The following LRP1B variants were observed in gnomAD, a reference collection of about 807,000 sequenced individuals.
LRP1B encodes the protein LDL receptor related protein 1B.
Under a neutral mutation model 556.6 loss-of-function variants are expected in LRP1B, and 217 were observed. The ratio of observed to expected loss-of-function variants is 0.39; its 90% CI spans 0.35 to 0.44. LRP1B has a LOEUF of 0.44. Ranked by LOEUF, LRP1B falls within the 20% of genes least tolerant of loss-of-function variation. LRP1B has a pLI of 1.00. For missense variants in LRP1B, 5,053 were observed against 5,620.8 expected, an observed-to-expected ratio of 0.90 and a Z score of 3.23; for synonymous variants, 2,047 against 1,865.8, an observed-to-expected ratio of 1.10 and a Z score of -2.50.
intron 31 of LRP1B, among the ~76,000 whole-genome samples, chr2:140,837,726 T>C (rs1317443861): frequency 6.8e-6 from 1 of 146,256 alleles, no homozygotes; most frequent in Non-Finnish European, 1.5e-5. Flanking sequence ...CACTCATAGG[T>C]GGGAATTGAA....
intron 60 of LRP1B, among the ~76,000 whole-genome samples, chr2:140,460,345 CA>C (rs1177884791): frequency 1.3e-5 from 2 of 151,938 alleles, no homozygotes; most frequent in African/African-American, 4.8e-5. Context: ...TTCATAGCAA[CA>C]AAAACCAGAC....
chr2:140,611,197 T>C (rs1189791284), intron 41 of LRP1B, among the ~76,000 whole-genome samples: 1 of 152,196 alleles, frequency 6.6e-6, no homozygotes, highest in Non-Finnish European at 1.5e-5. Flanking sequence ...TCTAGATTTA[T>C]AAATATAATT....
intron 18 of LRP1B, among the ~76,000 whole-genome samples, chr2:140,970,159 CCA>C (rs1696368431): frequency 6.6e-6 from 1 of 152,174 alleles, no homozygotes; most frequent in African/African-American, 2.4e-5. Flanking sequence ...TTCAGGTACA[CCA>C]GTCAGACATA....
At chr2:140,440,457 C>A (rs1161301440) in intron 66 of LRP1B, among the ~76,000 whole-genome samples, 2 of 152,076 alleles carry the variant, frequency 1.3e-5, no homozygotes, top group African/African-American at 4.8e-5. Context: ...ACATGGTGAA[C>A]CTTTGCAAAG....
chr2:140,430,599 T>C lies in LRP1B; in HGVS notation c.10414+11905A>G, dbSNP rs147922600. ...CTCCTTCACATCGGTCACTCCCACC[T>C]ATTCCCCTGCTGAAACTTCCACCTA... is the stretch of plus-strand genomic sequence containing the variant. On this transcript the variant is annotated intron_variant, in intron 66 of 90. Transcript: ENST00000389484. Among the ~76,000 whole-genome samples the C allele has an allele frequency of 2.0e-3, 300 of 152,312 alleles. 2 individuals carry two copies. The highest frequency in any genetic ancestry group is 4.1e-3 in the Admixed American group (62 of 15,292).
At chr2:141,554,338 T>C (rs963503195) in intron 2 of LRP1B, among the ~76,000 whole-genome samples, 1 of 148,404 alleles carries the variant, frequency 6.7e-6, no homozygotes, top group Non-Finnish European at 1.5e-5. Flanking sequence ...ATAGATTATA[T>C]GTATCTATAG....
intron 69 of LRP1B, among the ~76,000 whole-genome samples, chr2:140,372,057 G>T (rs1279654250): frequency 6.6e-6 from 1 of 151,988 alleles, no homozygotes; most frequent in African/African-American, 2.4e-5. Flanking sequence ...TTTTCTATGA[G>T]CTTGAGTTGG....
intron 15 of LRP1B, among the ~76,000 whole-genome samples, 170 bp downstream of exon 15, chr2:141,005,165 T>C (rs1453403026): frequency 1.3e-5 from 2 of 152,072 alleles, no homozygotes; most frequent in African/African-American, 2.4e-5. Context: ...AATATTCATC[T>C]ATATATTCAA....
chr2:140,788,277 A>C (rs1689979260), intron 32 of LRP1B, among the ~76,000 whole-genome samples: 1 of 152,246 alleles, frequency 6.6e-6, no homozygotes, highest in Admixed American at 6.5e-5. Context: ...ATTCTGCTAC[A>C]TAAATAACTC....
At chr2:142,040,862 C>A (rs924742784) in intron 1 of LRP1B, among the ~76,000 whole-genome samples, 4 of 150,856 alleles carry the variant, frequency 2.7e-5, no homozygotes, top group Non-Finnish European at 5.9e-5. Flanking sequence ...TAATTGACAG[C>A]CAAGACATAT....
intron 21 of LRP1B, among the ~76,000 whole-genome samples, chr2:140,910,164 A>G (rs1482152152): frequency 2.0e-5 from 3 of 151,386 alleles, no homozygotes; most frequent in Non-Finnish European, 4.4e-5. Flanking sequence ...ATTTAGAAGT[A>G]ATTTAATGTA....
chr2:141,071,820 G>A (rs188150312), intron 7 of LRP1B, among the ~76,000 whole-genome samples: 85 of 152,190 alleles, frequency 5.6e-4, no homozygotes, highest in Non-Finnish European at 8.1e-4. Flanking sequence ...CCTCTTCAAG[G>A]AGAACTACAA....
intron 18 of LRP1B, among the ~76,000 whole-genome samples, chr2:140,959,067 T>G (rs1695958841): frequency 6.6e-6 from 1 of 151,310 alleles, no homozygotes; most frequent in Admixed American, 6.6e-5. Flanking sequence ...ATTTTTTTTT[T>G]TTTTTGTAAG....
At chr2:141,689,297 A>AGCT (rs1691427542) in intron 2 of LRP1B, among the ~76,000 whole-genome samples, 1 of 151,826 alleles carries the variant, frequency 6.6e-6, no homozygotes, top group African/African-American at 2.4e-5. Flanking sequence ...AAGGTAGACT[A>AGCT]GCTAATAAGA....
At chr2:141,087,366 C>T (rs556082652) in intron 7 of LRP1B, among the ~76,000 whole-genome samples, 2 of 152,310 alleles carry the variant, frequency 1.3e-5, no homozygotes, top group African/African-American at 4.8e-5. Context: ...GAGGGAACAT[C>T]TCTCCATACA....
At chr2:141,207,764 C>T (rs764888429) in intron 6 of LRP1B, among the ~76,000 whole-genome samples, 1 of 152,190 alleles carries the variant, frequency 6.6e-6, no homozygotes. Flanking sequence ...CAACCTCTGC[C>T]TCCCCGGTTC....
At position 141,638,485 on chromosome 2, in the gene LRP1B, T is replaced by A. The variant is rs556139609; in HGVS notation, c.206-157952A>T. On this transcript the variant is annotated intron_variant, in intron 2 of 90. Coordinates refer to ENST00000389484, the MANE Select transcript of LRP1B (RefSeq NM_018557.3). ...TCCATCAATGGCACTGGTTGTAACA[T>A]CTGTCTAGGAGCAGTGAGGGGCAAG... Among the ~76,000 whole-genome samples, 13 of 144,048 alleles carry A rather than the reference T, an allele frequency of 9.0e-5. No individual in the cohort carries two copies. In the East Asian group the frequency reaches 2.4e-3, roughly 27 times the overall value. 94.5% of individuals were successfully genotyped at this position (144,048 alleles called of 152,430 possible).
At chr2:140,884,104 A>G (rs1434889247) in intron 24 of LRP1B, 83 bp from the exon 25 acceptor site, 1 of 1,217,828 alleles carries the variant, frequency 8.2e-7, no homozygotes, top group Non-Finnish European at 1.2e-6. Flanking sequence ...GCCTGTGATC[A>G]GCAGTACAAA....
At chr2:140,883,071 A>T (rs1198513247) in intron 25 of LRP1B, among the ~76,000 whole-genome samples, 1 of 152,192 alleles carries the variant, frequency 6.6e-6, no homozygotes, top group Non-Finnish European at 1.5e-5. Flanking sequence ...AGATGTTATT[A>T]TCCCCAATTC....
Sources: gnomAD v4.1 joint callset for allele counts (sites outside exome capture counted in the v4.1 genomes callset) on GRCh38, gnomAD v4.1.1 for gene constraint, MANE v1.5 for transcripts, NCBI Gene and HGNC (gene_info 2026-07-23, HGNC 2026-07-21) for gene names.